SYNE1: variants seen among roughly 807,000 people sequenced by gnomAD.
SYNE1 encodes the protein nesprin-1.
SYNE1 carries 616 observed loss-of-function variants against 1,111.0 expected under a neutral mutation model. The ratio of observed to expected loss-of-function variants is 0.55; its 90% CI spans 0.52 to 0.59. The LOEUF (loss-of-function observed/expected upper bound fraction) is 0.59, where lower values mean the gene tolerates loss of function less well. SYNE1 is among the 20% of genes least tolerant of loss of function. The pLI is 0.00. For synonymous variants in SYNE1, 3,855 were observed against 3,825.8 expected (o/e 1.01, Z -0.28); for missense variants, 10,006 against 10,417.0 (o/e 0.96, Z 1.72).
chr6:152,139,951 T>C lies in SYNE1; in HGVS notation c.25457A>G (p.Lys8486Arg). Reference protein sequence around the residue: ...QTIELQIKKLKELQKAVDHRK... With the variant: ...QTIELQIKKLRELQKAVDHRK... ...GTGGGAAAGGCAAGGGGCAGCTACC[T>C]TGAGCTTTTTGATCTGGAGCTCGAT... The change falls in exon 140 of 146, where the codon AAG becomes AGG. Residue 8486 changes from lysine (K) to arginine (R), a missense_variant and splice_region_variant. By Grantham distance (26) the Lys-to-Arg change is conservative. Transcript: ENST00000367255. The C allele has an allele frequency of 1.2e-6, 2 of 1,613,266 alleles. No homozygotes were observed. The highest frequency in any genetic ancestry group is 1.7e-6 in the Non-Finnish European group (2 of 1,180,026).
intron 3 of SYNE1, among the ~76,000 whole-genome samples, chr6:152,582,109 C>T (rs1365780369): frequency 6.6e-6 from 1 of 152,080 alleles, no homozygotes; most frequent in Non-Finnish European, 1.5e-5. Context: ...TCGTATCCCC[C>T]TCCACCCCCT....
chr6:152,203,403 C>T (rs552074319), intron 126 of SYNE1, among the ~76,000 whole-genome samples: 10 of 152,264 alleles, frequency 6.6e-5, no homozygotes, highest in African/African-American at 2.2e-4. Flanking sequence ...TCCAACACTG[C>T]CCGTTTGTCA....
rs185323453 is a variant in SYNE1 at position 152,408,995 on chromosome 6, C to T, written c.6540+73G>A. ...AAGTGAAATTCACATCCTTGAATAACGCTTTGTCCAAAAATTTGATTGGGG... is the reference window on the plus strand; with the variant it reads ...AAGTGAAATTCACATCCTTGAATAATGCTTTGTCCAAAAATTTGATTGGGG... On this transcript the variant is annotated intron_variant, in intron 44 of 145. Transcript: ENST00000367255. The T allele has an allele frequency of 1.2e-4, 172 of 1,423,182 alleles. 1 individual carries two copies. In the Admixed American group the frequency reaches 2.4e-3, roughly 20 times the overall value. The allele number at this position is 1,423,182 out of a possible 1,614,324, so 88.2% of individuals were successfully genotyped here. A position where few individuals can be genotyped will look rare whatever the true frequency, so the allele number is the denominator to read the frequency against.
At chr6:152,164,430 G>A in intron 130 of SYNE1, 105 bp from the exon 131 acceptor site, 1 of 1,353,700 alleles carries the variant, frequency 7.4e-7, no homozygotes, top group East Asian at 2.4e-5. Flanking sequence ...TTTAGGCAGA[G>A]TTAGAAACTC....
chr6:152,460,037 C>A (rs1431303228), intron 21 of SYNE1, among the ~76,000 whole-genome samples: 4 of 152,148 alleles, frequency 2.6e-5, no homozygotes, highest in Non-Finnish European at 5.9e-5. Context: ...GTATACAAAT[C>A]AGTGTGTTTT....
chr6:152,579,447 T>A (rs567049595), intron 3 of SYNE1, among the ~76,000 whole-genome samples: 380 of 152,356 alleles, frequency 2.5e-3, no homozygotes, highest in African/African-American at 8.3e-3. Flanking sequence ...GCCAGATGTA[T>A]TAAGAGAGCT....
intron 129 of SYNE1, 98 bp downstream of exon 129, chr6:152,180,038 C>G: frequency 7.7e-7 from 1 of 1,303,126 alleles, no homozygotes; most frequent in Admixed American, 1.7e-5. Flanking sequence ...GCTCCTTTGA[C>G]AGGAAAGTAA....
chr6:152,234,529 G>C (rs754008429), intron 111 of SYNE1, 139 bp downstream of exon 111: 5 of 950,966 alleles, frequency 5.3e-6, no homozygotes, highest in Non-Finnish European at 8.5e-6. Context: ...TCCTGACCTC[G>C]TGATCTGACT....
intron 16 of SYNE1, among the ~76,000 whole-genome samples, chr6:152,468,170 G>A (rs1451326682): frequency 6.6e-6 from 1 of 152,090 alleles, no homozygotes; most frequent in East Asian, 1.9e-4. Context: ...CACAAGATGA[G>A]TGTAAATATA....
intron 36 of SYNE1, among the ~76,000 whole-genome samples, chr6:152,429,292 A>G (rs1216499379): frequency 6.6e-6 from 1 of 152,130 alleles, no homozygotes; most frequent in East Asian, 1.9e-4. Context: ...AATATCGGAA[A>G]AGTAGAATAT....
rs570611184 is a variant in SYNE1 at position 152,278,474 on chromosome 6, A to T, written c.18382-194T>A. On this transcript the variant is annotated intron_variant, in intron 97 of 145. Transcript: ENST00000367255. ...TTTTTATATTTTTTAATTTATTTTT[A>T]TTTTTTTAGACAGAATCTCACTCTG... 2.7e-5 allele frequency among the ~76,000 whole-genome samples: 4 copies of T among 150,376 alleles called. 1 individual carries two copies. In the East Asian group the frequency reaches 7.8e-4, roughly 29 times the overall value.
rs772044657 is a variant in SYNE1 at position 152,391,504 on chromosome 6, G to C, written c.7777C>G (p.Gln2593Glu). The C allele has an allele frequency of 1.2e-6, 2 of 1,608,254 alleles. No individual in the cohort carries two copies. The highest frequency in any genetic ancestry group is 1.7e-6 in the Non-Finnish European group (2 of 1,178,876). ...AGCTGGGAACACAGGCGGCCCTCCT[G>C]CCCAGCACCGTGGCCTTCTTCACTC... is the stretch of plus-strand genomic sequence containing the variant. ...LLSEEGHGAG[Q>E]EGRLCSQLLT... The change falls in exon 52 of 146, where the codon CAG becomes GAG. Residue 2593 changes from glutamine (Q) to glutamate (E), a missense_variant. This residue lies in a region of SYNE1 where 4,955 missense variants were observed against 5,017.2 expected (regional missense o/e 0.99). Coordinates refer to ENST00000367255, the MANE Select transcript of SYNE1 (RefSeq NM_182961.4).
At chr6:152,462,092 C>T (rs570497877) in intron 20 of SYNE1, among the ~76,000 whole-genome samples, 5 of 108,402 alleles carry the variant, frequency 4.6e-5, no homozygotes, top group African/African-American at 2.1e-4. Context: ...GACTGGTTTT[C>T]GTTAAAAAAA....
At chr6:152,180,700 T>C (rs1486976726) in intron 128 of SYNE1, among the ~76,000 whole-genome samples, 1 of 148,824 alleles carries the variant, frequency 6.7e-6, no homozygotes, top group African/African-American at 2.5e-5. Flanking sequence ...AATAGAAAGA[T>C]GAAAGAAAAG....
Position 152,330,506 on chromosome 6 carries a change from C to A in SYNE1, c.14179G>T (p.Gly4727Trp). ...TGGTTCAGTTCATCCACCGCCTCCC[C>A]AAGGCCCGCCACCTCGTCCAGAATG... ...RAILDEVAGL[G>W]EAVDELNQKK... The change falls in exon 78 of 146, where the codon GGG becomes TGG. Residue 4727 changes from glycine (G) to tryptophan (W), a missense_variant. By Grantham distance (184) the Gly-to-Trp change is radical. Transcript: ENST00000367255. The A allele has an allele frequency of 6.2e-7, 1 of 1,614,148 alleles. No individual in the cohort carries two copies. Among genetic ancestry groups the A allele is most frequent in the South Asian group, 1.1e-5 (1 of 91,082 alleles).
At chr6:152,567,063 T>C (rs1275193768) in intron 3 of SYNE1, among the ~76,000 whole-genome samples, 2 of 151,658 alleles carry the variant, frequency 1.3e-5, no homozygotes, top group Non-Finnish European at 2.9e-5. Flanking sequence ...GTCCCCCATC[T>C]CCCTAAACTG....
intron 3 of SYNE1, among the ~76,000 whole-genome samples, chr6:152,601,312 T>G (rs1205640645): frequency 6.6e-6 from 1 of 152,208 alleles, no homozygotes; most frequent in African/African-American, 2.4e-5. Context: ...ATAGTAGACC[T>G]GGCTAGGCAT....
intron 76 of SYNE1, among the ~76,000 whole-genome samples, chr6:152,334,853 C>T (rs1344531837): frequency 6.6e-6 from 1 of 152,172 alleles, no homozygotes; most frequent in Non-Finnish European, 1.5e-5. Flanking sequence ...TTACCCAGCC[C>T]CTATTCAAGA....
chr6:152,245,385 T>C (rs1326043935), intron 105 of SYNE1, among the ~76,000 whole-genome samples: 1 of 152,124 alleles, frequency 6.6e-6, no homozygotes, highest in African/African-American at 2.4e-5. Flanking sequence ...AGACCACAAA[T>C]CCTGGAGCAG....
Sources: allele counts gnomAD v4.1 joint callset (sites outside exome capture counted in the v4.1 genomes callset), GRCh38; gene constraint gnomAD v4.1.1; regional missense constraint gnomAD v4.1.1; transcripts MANE v1.5; gene names NCBI Gene and HGNC (gene_info 2026-07-23, HGNC 2026-07-21).